The following CLIC5 variants were observed in gnomAD, a reference collection of about 807,000 sequenced individuals.
The protein encoded by CLIC5 is CLIC family member 5.
CLIC5 carries 20 observed loss-of-function variants against 24.7 expected under a neutral mutation model. The ratio of observed to expected loss-of-function variants is 0.81; its 90% confidence interval spans 0.57 to 1.18. The LOEUF is 1.18. CLIC5 is among the 50% of genes most tolerant of loss of function. The probability of loss-of-function intolerance (pLI) is 0.00; values close to 1 mark genes in which losing one functional copy is unlikely to be tolerated. For missense variants in CLIC5, 341 were observed against 326.1 expected (o/e 1.05, Z -0.35); for synonymous variants, 159 against 135.6 (o/e 1.17, Z -1.20).
intron 6 of CLIC5, among the ~76,000 whole-genome samples, chr6:45,890,546 G>C (rs1018951541): frequency 3.9e-5 from 6 of 152,158 alleles, no homozygotes; most frequent in African/African-American, 1.4e-4. Context: ...ATATGATCCA[G>C]TAATCCCACT....
the CLIC5 span, among the ~76,000 whole-genome samples, chr6:46,085,767 C>A: frequency 3.9e-4 from 60 of 152,226 alleles, 3 homozygotes; most frequent in Non-Finnish European, 1.2e-4. Context: ...GCTGGGAGAA[C>A]CACTGCTCTC....
chr6:46,099,818 A>G, the CLIC5 span, among the ~76,000 whole-genome samples: 1 of 152,184 alleles, frequency 6.6e-6, no homozygotes. Context: ...GGGAAAAGGA[A>G]TGAAAAATTA....
At chr6:45,996,037 T>C (rs1766124842) in intron 1 of CLIC5, among the ~76,000 whole-genome samples, 1 of 151,244 alleles carries the variant, frequency 6.6e-6, no homozygotes, top group Non-Finnish European at 1.5e-5. Flanking sequence ...ACCCAGGTAA[T>C]GGGTTGATAG....
At chr6:45,948,897 T>C (rs1764374653) in intron 3 of CLIC5, among the ~76,000 whole-genome samples, 2 of 152,158 alleles carry the variant, frequency 1.3e-5, no homozygotes, top group African/African-American at 4.8e-5. Flanking sequence ...GCTCTGGTTC[T>C]GAAATGAAGG....
chr6:46,032,981 A>ATTTTTTTTTTTTTTTT (rs35845581), intron 1 of CLIC5, among the ~76,000 whole-genome samples: 1 of 79,010 alleles, frequency 1.3e-5, no homozygotes, highest in Non-Finnish European at 2.4e-5. Context: ...GGAAATCTAC[A>ATTTTTTTTTTTTTTTT]TTTTTTTTTT....
intron 1 of CLIC5, among the ~76,000 whole-genome samples, chr6:45,959,289 G>A (rs867922118): frequency 5.9e-5 from 9 of 152,254 alleles, no homozygotes; most frequent in East Asian, 1.9e-4. Context: ...GATATTTACC[G>A]TGTTGTAAGT....
At chr6:45,897,295 G>A (rs143829128), downstream of CLIC5, among the ~76,000 whole-genome samples, 1,133 of 152,316 alleles carry the variant, frequency 7.4e-3, 6 homozygotes, top group South Asian at 0.043. Context: ...AATACTGGGC[G>A]GAACTTGGTC....
downstream of CLIC5, among the ~76,000 whole-genome samples, chr6:45,897,075 G>A (rs1033176762): frequency 6.6e-6 from 1 of 152,108 alleles, no homozygotes; most frequent in East Asian, 1.9e-4. Context: ...CAACTCTGTG[G>A]TCACATCAAG....
chr6:46,067,652 C>T (rs147306367), intron 1 of CLIC5, among the ~76,000 whole-genome samples: 18 of 152,252 alleles, frequency 1.2e-4, no homozygotes, highest in Admixed American at 3.3e-4. Context: ...CCCTTTAGAG[C>T]TCAAAAGATC....
chr6:45,954,931 G>C (rs901491765), intron 2 of CLIC5, among the ~76,000 whole-genome samples: 2 of 152,140 alleles, frequency 1.3e-5, no homozygotes, highest in African/African-American at 4.8e-5. Flanking sequence ...CTTGCTAATC[G>C]GGTCAGTGAA....
At chr6:46,105,288 T>C in the CLIC5 span, among the ~76,000 whole-genome samples, 1 of 152,192 alleles carries the variant, frequency 6.6e-6, no homozygotes, top group Non-Finnish European at 1.5e-5. Context: ...TTGTTTGTCA[T>C]GGTTAAAATC....
chr6:46,079,469 G>A (rs536412148), intron 1 of CLIC5, among the ~76,000 whole-genome samples: 2 of 152,196 alleles, frequency 1.3e-5, no homozygotes, highest in East Asian at 3.8e-4. Flanking sequence ...CTTTGCCCAT[G>A]GTATGTAAAA....
intron 3 of CLIC5, among the ~76,000 whole-genome samples, chr6:45,945,939 C>T (rs2127375012): frequency 6.6e-6 from 1 of 152,322 alleles, no homozygotes; most frequent in South Asian, 2.1e-4. Flanking sequence ...TATCAGTTTA[C>T]CCTCCTGAAT....
intron 1 of CLIC5, among the ~76,000 whole-genome samples, chr6:46,063,780 A>G (rs1305814363): frequency 1.3e-5 from 2 of 152,212 alleles, no homozygotes; most frequent in African/African-American, 4.8e-5. Context: ...GAGTCCTCGG[A>G]AGGCCATTGC....
chr6:46,080,340 C>T (rs1033094896), exon 1 of CLIC5: 17 of 1,057,828 alleles, frequency 1.6e-5, no homozygotes, highest in South Asian at 6.8e-5. Flanking sequence ...GAGGAATCAA[C>T]GAGCTCTTAA....
chr6:46,096,651 G>A, the CLIC5 span, among the ~76,000 whole-genome samples: 176 of 152,266 alleles, frequency 1.2e-3, no homozygotes, highest in African/African-American at 4.0e-3. Context: ...GCATACTCCT[G>A]TGGCCTAGCT....
the CLIC5 span, among the ~76,000 whole-genome samples, chr6:46,112,400 T>C: frequency 6.6e-6 from 1 of 152,212 alleles, no homozygotes; most frequent in African/African-American, 2.4e-5. Flanking sequence ...CTCCCATCTT[T>C]TCCCCCTTTC....
chr6:45,915,294 A>G (rs1322812337), intron 4 of CLIC5, among the ~76,000 whole-genome samples: 1 of 152,172 alleles, frequency 6.6e-6, no homozygotes, highest in Non-Finnish European at 1.5e-5. Flanking sequence ...ATCAACCTAC[A>G]TATTACATTT....
downstream of CLIC5, among the ~76,000 whole-genome samples, chr6:45,893,808 G>A (rs1762371997): frequency 6.6e-6 from 1 of 152,072 alleles, no homozygotes; most frequent in East Asian, 1.9e-4. Flanking sequence ...GACTATATTG[G>A]GGGTGGTATA....
Sources: allele counts gnomAD v4.1 joint callset (sites outside exome capture counted in the v4.1 genomes callset), GRCh38; gene constraint gnomAD v4.1.1; transcripts MANE v1.5; gene names NCBI Gene and HGNC (gene_info 2026-07-23, HGNC 2026-07-21).